The following C1orf105 variants were observed in gnomAD, a reference collection of about 807,000 sequenced individuals.
C1orf105 encodes uncharacterized protein C1orf105.
Under a neutral mutation model 20.8 loss-of-function variants are expected in C1orf105, and 17 were observed. That is an observed-to-expected ratio of 0.82 (90% CI 0.56 to 1.23). The LOEUF (loss-of-function observed/expected upper bound fraction) is 1.23, where lower values mean the gene tolerates loss of function less well. Among genes scored for constraint, C1orf105 ranks in the 50% most tolerant of loss-of-function variants. C1orf105 has a pLI of 0.00. For missense variants in C1orf105, 219 were observed against 213.5 expected, an observed-to-expected ratio of 1.03 and a Z score of -0.16; for synonymous variants, 72 against 72.1, an observed-to-expected ratio of 1.00 and a Z score of 0.01.
At chr1:172,465,509 A>C in intron 6 of C1orf105, 146 bp downstream of exon 6, 1 of 728,250 alleles carries the variant, frequency 1.4e-6, no homozygotes, top group Non-Finnish European at 2.4e-6. Flanking sequence ...TTGTCTTTTG[A>C]CCTGCTGGAA....
intron 3 of C1orf105, chr1:172,453,149 CTCT>C: frequency 1.3e-6 from 2 of 1,551,062 alleles, no homozygotes; most frequent in South Asian, 1.2e-5. Context: ...AATGGAGCAG[CTCT>C]TCTTGGAGGC....
chr1:172,457,785 T>A (rs1649398404), intron 4 of C1orf105, among the ~76,000 whole-genome samples: 1 of 152,234 alleles, frequency 6.6e-6, no homozygotes, highest in Admixed American at 6.5e-5. Context: ...TGGAGCCACA[T>A]GCTGCAATTT....
chr1:172,468,171 C>T (rs1650197378), intron 6 of C1orf105, among the ~76,000 whole-genome samples: 1 of 152,004 alleles, frequency 6.6e-6, no homozygotes, highest in Admixed American at 6.6e-5. Context: ...AGTTTTGTTT[C>T]TGGGTACTCC....
intron 1 of C1orf105, among the ~76,000 whole-genome samples, chr1:172,423,779 A>G (rs771537575): frequency 2.6e-4 from 40 of 152,126 alleles, no homozygotes; most frequent in Non-Finnish European, 3.7e-4. Context: ...GAAATAATTA[A>G]AAAGAATCAA....
chr1:172,428,542 T>A (rs1260838856), intron 1 of C1orf105, among the ~76,000 whole-genome samples: 1 of 152,196 alleles, frequency 6.6e-6, no homozygotes, highest in Non-Finnish European at 1.5e-5. Context: ...AGCAGCTCTT[T>A]CCTCTGCAGC....
intron 1 of C1orf105, among the ~76,000 whole-genome samples, chr1:172,427,243 G>A (rs373965418): frequency 3.3e-4 from 50 of 152,182 alleles, no homozygotes; most frequent in Middle Eastern, 3.4e-3. Flanking sequence ...TACTAATATC[G>A]GTATTCATCT....
At chr1:172,460,112 A>G (rs1649584032) in intron 4 of C1orf105, among the ~76,000 whole-genome samples, 1 of 152,180 alleles carries the variant, frequency 6.6e-6, no homozygotes, top group African/African-American at 2.4e-5. Flanking sequence ...TGTTCTAGGA[A>G]TAAACAATGG....
chr1:172,425,488 A>G (rs964880056), intron 1 of C1orf105, among the ~76,000 whole-genome samples: 1 of 152,182 alleles, frequency 6.6e-6, no homozygotes, highest in Non-Finnish European at 1.5e-5. Flanking sequence ...GGTCTAAGCT[A>G]GCAGGCCCAA....
At chr1:172,426,574 T>TC (rs2071728770) in intron 1 of C1orf105, among the ~76,000 whole-genome samples, 1 of 152,138 alleles carries the variant, frequency 6.6e-6, no homozygotes, top group Admixed American at 6.5e-5. Flanking sequence ...TCTTTTTTTT[T>TC]TTCTTCTACT....
At chr1:172,446,654 G>T (rs1369802921) in intron 2 of C1orf105, among the ~76,000 whole-genome samples, 1 of 152,228 alleles carries the variant, frequency 6.6e-6, no homozygotes, top group African/African-American at 2.4e-5. Flanking sequence ...CTTGTGCATG[G>T]CTCTCTTGCC....
intron 3 of C1orf105, chr1:172,453,164 A>G (rs1207767206): frequency 6.4e-7 from 1 of 1,551,002 alleles, no homozygotes; most frequent in Non-Finnish European, 8.7e-7. Flanking sequence ...CTTGGAGGCC[A>G]GGCTTCAGCT....
chr1:172,422,450 G>A (rs2071615782), intron 1 of C1orf105, among the ~76,000 whole-genome samples: 1 of 152,126 alleles, frequency 6.6e-6, no homozygotes, highest in South Asian at 2.1e-4. Flanking sequence ...TGAATAAAGA[G>A]CCTTTGGACC....
At chr1:172,468,271 T>G (rs1282582169) in intron 6 of C1orf105, among the ~76,000 whole-genome samples, 178 bp from the exon 7 acceptor site, 1 of 152,246 alleles carries the variant, frequency 6.6e-6, no homozygotes, top group Non-Finnish European at 1.5e-5. Flanking sequence ...GTGAGTTTTT[T>G]GTTCCATTTT....
chr1:172,448,297 G>A, intron 2 of C1orf105, 144 bp from the exon 3 acceptor site: 3 of 612,916 alleles, frequency 4.9e-6, no homozygotes, highest in Non-Finnish European at 5.9e-6. Flanking sequence ...TCTTTTGGGA[G>A]CTCCCCAATG....
At chr1:172,460,948 C>T (rs1006433210) in intron 4 of C1orf105, among the ~76,000 whole-genome samples, 2 of 152,216 alleles carry the variant, frequency 1.3e-5, no homozygotes, top group Admixed American at 6.5e-5. Context: ...TACAATAGCG[C>T]TAGCTGGATT....
chr1:172,457,187 G>A (rs575262653), intron 4 of C1orf105, among the ~76,000 whole-genome samples: 12 of 152,284 alleles, frequency 7.9e-5, no homozygotes, highest in East Asian at 3.9e-4. Context: ...TAGAGTTAGC[G>A]CTGGGATGGT....
chr1:172,461,506 A>G (rs911278439), intron 4 of C1orf105, among the ~76,000 whole-genome samples: 10 of 152,234 alleles, frequency 6.6e-5, no homozygotes, highest in Non-Finnish European at 1.3e-4. Flanking sequence ...TTAAAAGAAA[A>G]CCAACATCTA....
At chr1:172,456,550 C>T in intron 4 of C1orf105, 61 bp downstream of exon 4, 2 of 1,509,318 alleles carry the variant, frequency 1.3e-6, no homozygotes. Context: ...CTGCCCTTCC[C>T]AGCCAAGCCC....
chr1:172,430,547 G>A (rs1173356305), intron 1 of C1orf105, among the ~76,000 whole-genome samples: 1 of 151,982 alleles, frequency 6.6e-6, no homozygotes, highest in Non-Finnish European at 1.5e-5. Context: ...CTCAAGATCT[G>A]CCTGCCTTAA....
Sources: gnomAD v4.1 joint callset for allele counts (sites outside exome capture counted in the v4.1 genomes callset) on GRCh38, gnomAD v4.1.1 for gene constraint, MANE v1.5 for transcripts, NCBI Gene and HGNC (gene_info 2026-07-23, HGNC 2026-07-21) for gene names.